Variants in PPFIA2 observed in about 807,000 individuals in gnomAD.
PPFIA2 encodes PPFI scaffold protein A2, also known as liprin-alpha-2.
Under a neutral mutation model 175.5 loss-of-function variants are expected in PPFIA2, and 46 were observed. The observed-to-expected ratio is 0.26, with a 90% CI of 0.21 to 0.34. PPFIA2 has a LOEUF of 0.34. Ranked by LOEUF, PPFIA2 falls within the 10% of genes least tolerant of loss-of-function variation. The pLI, the probability that PPFIA2 is intolerant of heterozygous loss-of-function variation, is 1.00. For missense variants in PPFIA2, 1,179 were observed against 1,506.1 expected, an observed-to-expected ratio of 0.78 and a Z score of 3.60; for synonymous variants, 568 against 511.4, an observed-to-expected ratio of 1.11 and a Z score of -1.49.
chr12:81,442,633 T>C (rs2050379586), intron 6 of PPFIA2, among the ~76,000 whole-genome samples: 1 of 151,272 alleles, frequency 6.6e-6, no homozygotes. Context: ...AAATTACTGA[T>C]GGTCTTAGCT....
At chr12:81,473,840 T>C (rs2057109708) in intron 4 of PPFIA2, among the ~76,000 whole-genome samples, 1 of 152,222 alleles carries the variant, frequency 6.6e-6, no homozygotes, top group Non-Finnish European at 1.5e-5. Context: ...TTGACTGTTG[T>C]CCATGTTATG....
chr12:81,669,795 C>T (rs552323310), intron 4 of PPFIA2, among the ~76,000 whole-genome samples: 17 of 151,996 alleles, frequency 1.1e-4, no homozygotes, highest in African/African-American at 3.1e-4. Flanking sequence ...CTAGAATCAT[C>T]GTAAGGGAAG....
chr12:81,312,360 T>C (rs768649925), intron 22 of PPFIA2: 7 of 601,242 alleles, frequency 1.2e-5, no homozygotes, highest in African/African-American at 1.9e-5. Context: ...TCGAAAAGCA[T>C]AGTCAGGCTG....
intron 7 of PPFIA2, among the ~76,000 whole-genome samples, chr12:81,408,807 A>G (rs1054130016): frequency 3.3e-5 from 5 of 152,220 alleles, no homozygotes; most frequent in African/African-American, 1.2e-4. Flanking sequence ...GGCTCTTGAT[A>G]CAGAAGAACA....
In PPFIA2 at chr12:81,267,117, CTTTA is replaced by C; in HGVS notation, c.3487-101_3487-98del. 3 of 911,136 alleles carry C rather than the reference CTTTA, an allele frequency of 3.3e-6. No individual in the cohort carries two copies. The East Asian group carries it at 8.5e-5, about 26-fold the overall frequency. The allele number at this position is 911,136 out of a possible 1,614,324, so 56.4% of individuals were successfully genotyped here. ...ATCTGATAATGTATTATAAACCATACTTTATTTATGGGTTTTGAAGTTTTTAGCC... is the reference window on the plus strand; with the variant it reads ...ATCTGATAATGTATTATAAACCATACTTTATGGGTTTTGAAGTTTTTAGCC... On this transcript the variant is annotated intron_variant, in intron 29 of 32. Transcript: ENST00000549396.
intron 4 of PPFIA2, among the ~76,000 whole-genome samples, chr12:81,573,644 C>T (rs1276246138): frequency 1.3e-5 from 2 of 151,858 alleles, no homozygotes; most frequent in African/African-American, 4.8e-5. Context: ...TTAACCACCA[C>T]AATCATGAAG....
intron 7 of PPFIA2, among the ~76,000 whole-genome samples, chr12:81,421,938 C>T (rs76088158): frequency 0.016 from 2,416 of 151,190 alleles, 65 homozygotes; most frequent in African/African-American, 0.056. Context: ...GCCATGCAAA[C>T]GGTAATCAAA....
At chr12:81,549,668 G>T (rs1025145206) in intron 4 of PPFIA2, among the ~76,000 whole-genome samples, 1 of 151,952 alleles carries the variant, frequency 6.6e-6, no homozygotes, top group African/African-American at 2.4e-5. Context: ...TAAGGCTTTT[G>T]TGTGCTTATG....
chr12:81,396,942 A>C (rs1425618874), intron 8 of PPFIA2, among the ~76,000 whole-genome samples: 1 of 151,982 alleles, frequency 6.6e-6, no homozygotes, highest in Non-Finnish European at 1.5e-5. Context: ...AGACATAGGG[A>C]GGATGTGAGA....
At chr12:81,569,347 G>A (rs867373250) in intron 4 of PPFIA2, among the ~76,000 whole-genome samples, 6 of 152,210 alleles carry the variant, frequency 3.9e-5, no homozygotes, top group South Asian at 4.1e-4. Flanking sequence ...AGAATTGTAC[G>A]TAACTTTTAT....
chr12:81,644,222 G>T (rs767172500), intron 4 of PPFIA2, among the ~76,000 whole-genome samples: 7 of 151,838 alleles, frequency 4.6e-5, no homozygotes, highest in Non-Finnish European at 8.8e-5. Flanking sequence ...CTCAGTATGG[G>T]TAAATGATGC....
At chr12:81,628,375 CCTTT>C (rs1465221604) in intron 4 of PPFIA2, among the ~76,000 whole-genome samples, 1 of 127,438 alleles carries the variant, frequency 7.8e-6, no homozygotes, top group Non-Finnish European at 1.7e-5. Context: ...CTTTCTTTTA[CCTTT>C]TTTTTTTTTT....
chr12:81,587,995 T>C (rs1284882004), intron 4 of PPFIA2, among the ~76,000 whole-genome samples: 2 of 152,008 alleles, frequency 1.3e-5, no homozygotes, highest in Admixed American at 6.6e-5. Flanking sequence ...TCAATAAAAA[T>C]GTGACCAGTT....
chr12:81,497,169 C>G (rs1483940475), intron 4 of PPFIA2, among the ~76,000 whole-genome samples: 1 of 152,174 alleles, frequency 6.6e-6, no homozygotes, highest in Non-Finnish European at 1.5e-5. Context: ...AAATGTTTAA[C>G]TCACCAATGA....
intron 21 of PPFIA2, among the ~76,000 whole-genome samples, chr12:81,328,417 G>A (rs762077498): frequency 1.3e-5 from 2 of 152,158 alleles, no homozygotes; most frequent in Non-Finnish European, 2.9e-5. Context: ...TTTTGAAAAC[G>A]TGGTAGAAAA....
chr12:81,356,188 A>G (rs2060825592), intron 16 of PPFIA2, among the ~76,000 whole-genome samples: 1 of 152,146 alleles, frequency 6.6e-6, no homozygotes, highest in African/African-American at 2.4e-5. Context: ...CAAAGGCCCA[A>G]AGAAAGGGAA....
intron 8 of PPFIA2, among the ~76,000 whole-genome samples, chr12:81,402,903 T>G (rs767086380): frequency 6.6e-6 from 1 of 152,142 alleles, no homozygotes; most frequent in Admixed American, 6.6e-5. Context: ...TTACAACACT[T>G]TATTGGAACA....
intron 3 of PPFIA2, among the ~76,000 whole-genome samples, chr12:81,685,699 T>C (rs2074339257): frequency 6.6e-6 from 1 of 151,994 alleles, no homozygotes; most frequent in African/African-American, 2.4e-5. Context: ...TTTTGAGAAA[T>C]GTGGTGTTAA....
chr12:81,528,032 C>T (rs892934861), intron 4 of PPFIA2, among the ~76,000 whole-genome samples: 3 of 152,086 alleles, frequency 2.0e-5, no homozygotes, highest in Non-Finnish European at 4.4e-5. Flanking sequence ...TTTATAATCA[C>T]CACCAATCAC....
Sources: allele counts gnomAD v4.1 joint callset (sites outside exome capture counted in the v4.1 genomes callset), GRCh38; gene constraint gnomAD v4.1.1; transcripts MANE v1.5; gene names NCBI Gene and HGNC (gene_info 2026-07-23, HGNC 2026-07-21).